The following ZNF704 variants were observed in gnomAD, a reference collection of about 807,000 sequenced individuals.
ZNF704 encodes zinc finger protein 704.
Under a neutral mutation model 44.7 loss-of-function variants are expected in ZNF704, and 10 were observed. The observed-to-expected ratio is 0.22, with a 90% CI of 0.14 to 0.38. The LOEUF (loss-of-function observed/expected upper bound fraction) is 0.38. Ranked by LOEUF, ZNF704 falls within the 10% of genes least tolerant of loss-of-function variation. The pLI is 1.00. For synonymous variants in ZNF704, 211 were observed against 207.6 expected (o/e 1.02, Z -0.14); for missense variants, 390 against 545.5 (o/e 0.71, Z 2.84).
chr8:80,654,047 T>C (rs1419431623), intron 7 of ZNF704, among the ~76,000 whole-genome samples: 1 of 151,682 alleles, frequency 6.6e-6, no homozygotes, highest in Non-Finnish European at 1.5e-5. Context: ...ATATCTACAA[T>C]TATCTGATCT....
intron 1 of ZNF704, among the ~76,000 whole-genome samples, chr8:80,872,768 G>A (rs1274273979): frequency 3.9e-5 from 6 of 152,156 alleles, no homozygotes; most frequent in Non-Finnish European, 8.8e-5. Flanking sequence ...GCGCTTCAGT[G>A]TACAGGGGAC....
At chr8:80,835,003 A>C (rs1184289366) in intron 1 of ZNF704, among the ~76,000 whole-genome samples, 1 of 152,184 alleles carries the variant, frequency 6.6e-6, no homozygotes, top group Non-Finnish European at 1.5e-5. Context: ...TTTTAACTTT[A>C]ATATGTCGAC....
chr8:80,825,523 A>G (rs1011702548), intron 1 of ZNF704, among the ~76,000 whole-genome samples: 1 of 152,210 alleles, frequency 6.6e-6, no homozygotes, highest in African/African-American at 2.4e-5. Flanking sequence ...TCAACAAGAC[A>G]GAAAGTTAAC....
intron 2 of ZNF704, among the ~76,000 whole-genome samples, chr8:80,717,472 T>A (rs1298715812): frequency 1.3e-5 from 2 of 152,244 alleles, no homozygotes; most frequent in East Asian, 3.8e-4. Flanking sequence ...CTCAATTTTC[T>A]CAACTACAAA....
chr8:80,830,078 C>A (rs1009748392), intron 1 of ZNF704, among the ~76,000 whole-genome samples: 38 of 149,830 alleles, frequency 2.5e-4, no homozygotes, highest in African/African-American at 5.2e-4. Flanking sequence ...TTAAGACACA[C>A]AAAAAAAACA....
intron 1 of ZNF704, 148 bp from the exon 2 acceptor site, chr8:80,821,763 A>T (rs1376259720): frequency 3.0e-5 from 19 of 635,538 alleles, no homozygotes; most frequent in Middle Eastern, 4.1e-4. Flanking sequence ...TGCAACATAG[A>T]AATAAAATAA....
At chr8:80,657,945 G>A (rs1563508117) in intron 7 of ZNF704, among the ~76,000 whole-genome samples, 1 of 152,128 alleles carries the variant, frequency 6.6e-6, no homozygotes, top group Non-Finnish European at 1.5e-5. Context: ...AGTGTCCATA[G>A]CAGAGTTTTA....
At chr8:80,650,384 T>A (rs1296435851) in intron 7 of ZNF704, among the ~76,000 whole-genome samples, 2 of 152,076 alleles carry the variant, frequency 1.3e-5, no homozygotes, top group African/African-American at 2.4e-5. Flanking sequence ...AAGGAGGAAG[T>A]TCGAACCCAT....
Position 80,641,198 on chromosome 8 carries a change from T to A in ZNF704, c.*168A>T. ...ACTTTCTTTTGTCATAGGTGGTGACTTAAACAATTTTTCTGTGTTTTTGCT... is the reference window on the plus strand; with the variant it reads ...ACTTTCTTTTGTCATAGGTGGTGACATAAACAATTTTTCTGTGTTTTTGCT... On this transcript the variant is annotated 3_prime_UTR_variant, in exon 9 of 9. Transcript: ENST00000327835. 2 of 469,856 alleles carry A rather than the reference T, an allele frequency of 4.3e-6. No individual in the cohort carries two copies. The highest frequency in any genetic ancestry group is 6.4e-5 in the East Asian group (2 of 31,164). The allele number at this position is 469,856 out of a possible 1,614,324, so 29.1% of individuals were successfully genotyped here. A position where few individuals can be genotyped will look rare whatever the true frequency, so the allele number is the denominator to read the frequency against.
rs1443447773 is a variant in ZNF704, at chr8:80,828,822, C to T, written c.-21-7207G>A. ...AAATACATGCATGCTGAAGTCACTGCATCTGCCCCAACATGAGACTTTCCA... is the reference window on the plus strand; with the variant it reads ...AAATACATGCATGCTGAAGTCACTGTATCTGCCCCAACATGAGACTTTCCA... On this transcript the variant is annotated intron_variant, in intron 1 of 8. Transcript: ENST00000327835. 3.3e-5 allele frequency among the ~76,000 whole-genome samples: 5 copies of T among 152,328 alleles called. No homozygotes were observed. The East Asian group carries it at 9.6e-4, about 29-fold the overall frequency.
intron 2 of ZNF704, among the ~76,000 whole-genome samples, chr8:80,796,543 T>A (rs1373237247): frequency 6.6e-6 from 1 of 152,216 alleles, no homozygotes; most frequent in East Asian, 1.9e-4. Flanking sequence ...TAAACTCTTT[T>A]CTCACAAACA....
chr8:80,830,422 C>A (rs900158658), intron 1 of ZNF704, among the ~76,000 whole-genome samples: 1 of 152,184 alleles, frequency 6.6e-6, no homozygotes, highest in South Asian at 2.1e-4. Flanking sequence ...CCAGAAAAGG[C>A]AAATCTACAG....
At chr8:80,782,476 T>C (rs1403233440) in intron 2 of ZNF704, among the ~76,000 whole-genome samples, 1 of 152,180 alleles carries the variant, frequency 6.6e-6, no homozygotes, top group East Asian at 1.9e-4. Flanking sequence ...AAGTACTTAA[T>C]ATAATTTTGG....
At chr8:80,855,408 G>C (rs1808942630) in intron 1 of ZNF704, among the ~76,000 whole-genome samples, 1 of 147,564 alleles carries the variant, frequency 6.8e-6, no homozygotes, top group Non-Finnish European at 1.5e-5. Context: ...ACTGGATAAA[G>C]AAAATGTGAT....
At chr8:80,800,726 A>G (rs1414024581) in intron 2 of ZNF704, among the ~76,000 whole-genome samples, 1 of 152,218 alleles carries the variant, frequency 6.6e-6, no homozygotes, top group African/African-American at 2.4e-5. Flanking sequence ...TACACAGATC[A>G]GTGGCACTAT....
intron 2 of ZNF704, among the ~76,000 whole-genome samples, chr8:80,772,799 G>GTTTATTTTGCTTTTCTTTTATTGTA: frequency 6.6e-6 from 1 of 152,032 alleles, no homozygotes; most frequent in South Asian, 2.1e-4. Context: ...TTTGCTTTGT[G>GTTTATTTTGCTTTTCTTTTATTGTA]TTTATTTTGC....
chr8:80,671,005 A>G (rs934386881), intron 4 of ZNF704, among the ~76,000 whole-genome samples: 1 of 152,194 alleles, frequency 6.6e-6, no homozygotes, highest in Admixed American at 6.5e-5. Context: ...AGCTCCATAA[A>G]AAGTGTCCAG....
At chr8:80,705,146 G>T (rs1190812613) in intron 2 of ZNF704, among the ~76,000 whole-genome samples, 1 of 152,144 alleles carries the variant, frequency 6.6e-6, no homozygotes, top group African/African-American at 2.4e-5. Context: ...GAGTGCAGTG[G>T]GAGAGCCTGA....
At chr8:80,748,932 C>T (rs7844007) in intron 2 of ZNF704, among the ~76,000 whole-genome samples, 4,391 of 152,240 alleles carry the variant, frequency 0.029, 210 homozygotes, top group African/African-American at 0.097. Flanking sequence ...TTAACAAATA[C>T]TTATTTAGCA....
Sources: gnomAD v4.1 joint callset for allele counts (sites outside exome capture counted in the v4.1 genomes callset) on GRCh38, gnomAD v4.1.1 for gene constraint, MANE v1.5 for transcripts, NCBI Gene and HGNC (gene_info 2026-07-23, HGNC 2026-07-21) for gene names.